DRC7: variants seen among roughly 807,000 people sequenced by gnomAD.
DRC7 encodes coiled-coil domain containing 135.
DRC7 carries 80 observed loss-of-function variants against 104.4 expected under a neutral mutation model. That is an observed-to-expected ratio of 0.77 (90% CI 0.64 to 0.92). The LOEUF is 0.92. Ranked by LOEUF, DRC7 falls within the 40% of genes least tolerant of loss-of-function variation. The pLI is 0.00. For missense variants in DRC7, 1,034 were observed against 1,141.1 expected (o/e 0.91, Z 1.35); for synonymous variants, 405 against 447.3 (o/e 0.91, Z 1.19).
chr16:57,697,209 A>G (rs1248040035), intron 2 of DRC7, among the ~76,000 whole-genome samples: 1 of 150,584 alleles, frequency 6.6e-6, no homozygotes, highest in African/African-American at 2.4e-5. Flanking sequence ...CACCGCACCC[A>G]GCCAATTCAT....
chr16:57,713,049 T>C (rs1272701358), intron 8 of DRC7, among the ~76,000 whole-genome samples: 1 of 152,264 alleles, frequency 6.6e-6, no homozygotes, highest in Non-Finnish European at 1.5e-5. Context: ...TGATTTCTAA[T>C]TTAATTCTGT....
chr16:57,698,511 AC>A (rs200388983), intron 3 of DRC7, among the ~76,000 whole-genome samples: 1 of 150,026 alleles, frequency 6.7e-6, no homozygotes, highest in African/African-American at 2.5e-5. Flanking sequence ...ACATAGCAAG[AC>A]CCCCCCACCC....
chr16:57,706,524 T>TCCCATCCA (rs1224153488), intron 7 of DRC7, among the ~76,000 whole-genome samples: 1 of 43,330 alleles, frequency 2.3e-5, no homozygotes. Context: ...CCTCCCACCC[T>TCCCATCCA]CCCATCCACC....
chr16:57,696,120 G>A (rs548040274), intron 1 of DRC7, among the ~76,000 whole-genome samples: 1 of 152,314 alleles, frequency 6.6e-6, no homozygotes, highest in South Asian at 2.1e-4. Flanking sequence ...GAAAACAGAT[G>A]TTCGAGGACA....
rs146694288 is a variant in DRC7, at chr16:57,725,335, C to T, written c.1758+500C>T. 8.8e-5 allele frequency: 14 copies of T among 158,990 alleles called. No individual in the cohort carries two copies. In the East Asian group the frequency reaches 2.2e-3, roughly 25 times the overall value. The allele number at this position is 158,990 out of a possible 1,614,324, so 9.8% of individuals were successfully genotyped here. A position where few individuals can be genotyped will look rare whatever the true frequency, so the allele number is the denominator to read the frequency against. ...TGATTCAATTATCTCCACCTGGTCC[C>T]GCCCTTGACCTATGGGGATTACAGT... On this transcript the variant is annotated intron_variant, in intron 13 of 18. Transcript: ENST00000360716.
chr16:57,723,020 T>A lies in DRC7; in HGVS notation c.1427T>A (p.Ile476Lys). 6.2e-7 allele frequency: 1 copy of A among 1,613,748 alleles called. No individual in the cohort carries two copies. Among genetic ancestry groups the A allele is most frequent in the Non-Finnish European group, 8.5e-7 (1 of 1,179,974 alleles). ...CCCACAGGTACCAATATTTTGGAGA[T>A]AAAGGAGTGGTACCAGAACCGGGAA... ...EDLQCTNILE[I>K]KEWYQNREDM... The change falls in exon 12 of 19, where the codon ATA becomes AAA. Residue 476 changes from isoleucine (I) to lysine (K), a missense_variant. Coordinates refer to ENST00000360716, the MANE Select transcript of DRC7 (RefSeq NM_001289162.2).
Position 57,724,622 on chromosome 16 carries a change from G to A in DRC7, c.1545G>A (p.Ser515=), listed in dbSNP as rs756954578. 1.9e-5 allele frequency: 30 copies of A among 1,611,100 alleles called. No individual in the cohort carries two copies. The highest frequency in any genetic ancestry group is 8.9e-5 in the East Asian group (4 of 44,842). ...CTCCCGCTCCCCACCCAGTGCACTC[G>A]TACAAGTCCATGCAACCTGAGATGG... is the stretch of plus-strand genomic sequence containing the variant. ...PGHPQALRVH[S]YKSMQPEMDR... Residue 515 remains serine, a synonymous_variant, in exon 13 of 19, where the codon TCG becomes TCA. Transcript: ENST00000360716.
chr16:57,697,132 C>T (rs1420177010), intron 2 of DRC7, among the ~76,000 whole-genome samples: 7 of 152,148 alleles, frequency 4.6e-5, no homozygotes, highest in East Asian at 3.9e-4. Flanking sequence ...AGGCTGGTCT[C>T]GAACTTCTGA....
intron 6 of DRC7, among the ~76,000 whole-genome samples, chr16:57,702,746 G>T (rs376013978): frequency 1.3e-5 from 2 of 152,250 alleles, no homozygotes; most frequent in East Asian, 3.9e-4. Flanking sequence ...AGGCTGCAGT[G>T]AACTGAGATT....
rs545537288 is a variant in DRC7, at chr16:57,729,719, TG to T, written c.2391+1138del. 2.2e-4 allele frequency among the ~76,000 whole-genome samples: 17 copies of T among 76,124 alleles called. No homozygotes were observed. In the South Asian group the frequency reaches 3.2e-3, roughly 14 times the overall value. The allele number at this position is 76,124 out of a possible 152,430, so 49.9% of individuals were successfully genotyped here. On this transcript the variant is annotated intron_variant, in intron 17 of 18. Transcript: ENST00000360716. The stretch of plus-strand genomic sequence containing the variant: ...GATGGATGGATGGATGATGGATGGA[TG>T]GGTGAGTGGGTGGGTGGATGAGTGA...
intron 2 of DRC7, 116 bp from the exon 3 acceptor site, chr16:57,697,797 G>A: frequency 8.8e-7 from 1 of 1,138,034 alleles, no homozygotes; most frequent in Non-Finnish European, 1.2e-6. Context: ...CACTCCCTAT[G>A]TGTTCGACAC....
intron 8 of DRC7, chr16:57,714,668 G>C: frequency 3.5e-6 from 1 of 289,138 alleles, no homozygotes. Flanking sequence ...GCACTGGACA[G>C]TGAGGTTTCT....
rs552711918 is a variant in DRC7 at position 57,723,259 on chromosome 16, T to C, written c.1537+129T>C. The C allele has an allele frequency of 1.5e-4, 172 of 1,123,728 alleles. No individual in the cohort carries two copies. In the East Asian group the frequency reaches 4.0e-3, roughly 26 times the overall value. The allele number at this position is 1,123,728 out of a possible 1,614,324, so 69.6% of individuals were successfully genotyped here. A position where few individuals can be genotyped will look rare whatever the true frequency, so the allele number is the denominator to read the frequency against. ...ACATGGGTTCTTGGGCAGCAAGCAG[T>C]AGAAGCTGCCCTGCCTCCCTCAGCA... On this transcript the variant is annotated intron_variant, in intron 12 of 18. Transcript: ENST00000360716.
At position 57,724,778 on chromosome 16, in the gene DRC7, A is replaced by G. The variant is rs763317894; in HGVS notation, c.1701A>G (p.Gly567=). 4.3e-6 allele frequency: 7 copies of G among 1,613,488 alleles called. No individual in the cohort carries two copies. Among genetic ancestry groups the G allele is most frequent in the African/African-American group, 1.3e-5 (1 of 74,838 alleles). The change falls in exon 13 of 19, where the codon GGA becomes GGG. Residue 567 remains glycine (G), a synonymous_variant. Coordinates refer to ENST00000360716, the MANE Select transcript of DRC7 (RefSeq NM_001289162.2). ...TCTCCTACCGCCATGCCAGCTTCGG[A>G]CCCCGAGTCAAGAAGCTCACTCTGA... is the stretch of plus-strand genomic sequence containing the variant. ...DFLSYRHASF[G]PRVKKLTLSS...
intron 17 of DRC7, among the ~76,000 whole-genome samples, chr16:57,729,208 GGATGAA>G (rs2049015242): frequency 7.1e-6 from 1 of 140,488 alleles, no homozygotes; most frequent in Non-Finnish European, 1.5e-5. Flanking sequence ...ATGGGTGGAT[GGATGAA>G]TGGATGAGTG....
At chr16:57,697,170 C>G (rs548229943) in intron 2 of DRC7, among the ~76,000 whole-genome samples, 2 of 152,212 alleles carry the variant, frequency 1.3e-5, no homozygotes, top group African/African-American at 4.8e-5. Flanking sequence ...GCCTCGGCCT[C>G]CCAAAGTGCT....
intron 10 of DRC7, among the ~76,000 whole-genome samples, 155 bp downstream of exon 10, chr16:57,721,894 C>A (rs1402812573): frequency 1.7e-4 from 25 of 151,198 alleles, no homozygotes; most frequent in African/African-American, 6.1e-4. Flanking sequence ...CTCCCTCCCT[C>A]CCCCCTTCCT....
chr16:57,703,782 C>T (rs2048683411), intron 6 of DRC7, among the ~76,000 whole-genome samples: 1 of 152,098 alleles, frequency 6.6e-6, no homozygotes, highest in Admixed American at 6.6e-5. Flanking sequence ...GCCTGGCCAA[C>T]ATGGCAAAAC....
Position 57,731,282 on chromosome 16 carries a change from GA to G in DRC7, c.*25del, listed in dbSNP as rs748562039. 3 of 1,586,478 alleles carry G rather than the reference GA, an allele frequency of 1.9e-6. No homozygotes were observed. The Admixed American group carries it at 5.0e-5, about 27-fold the overall frequency. On this transcript the variant is annotated 3_prime_UTR_variant, in exon 19 of 19. Coordinates refer to ENST00000360716, the MANE Select transcript of DRC7 (RefSeq NM_001289162.2). ...GATGTCCCTCCTGGGGCCTCAGCCA[GA>G]GCTGCCAGAGAAAGGAAACCTCTTC...
Sources: allele counts gnomAD v4.1 joint callset (sites outside exome capture counted in the v4.1 genomes callset), GRCh38; gene constraint gnomAD v4.1.1; transcripts MANE v1.5; gene names NCBI Gene and HGNC (gene_info 2026-07-23, HGNC 2026-07-21).